Variants in REPS2 observed in about 807,000 individuals in gnomAD.
REPS2 encodes the protein RALBP1 associated Eps domain containing 2.
In REPS2, 23 loss-of-function variants were observed where a neutral mutation model predicts 53.6. That is an observed-to-expected ratio of 0.43 (90% CI 0.31 to 0.61). The LOEUF (loss-of-function observed/expected upper bound fraction) is 0.61. REPS2 is among the 20% of genes least tolerant of loss of function. REPS2 has a pLI of 0.11. For missense variants in REPS2, 446 were observed against 534.9 expected (o/e 0.83, Z 1.64); for synonymous variants, 238 against 218.6 (o/e 1.09, Z -0.78).
chrX:17,052,511 T>C, intron 7 of REPS2, 66 bp downstream of exon 7: 1 of 853,677 alleles, frequency 1.2e-6, no homozygotes, highest in Non-Finnish European at 1.7e-6. Context: ...AGTTCCTACC[T>C]TTGCATTTTT....
At chrX:17,189,282 CT>C in the REPS2 span, among the ~76,000 whole-genome samples, 5 of 107,826 alleles carry the variant, frequency 4.6e-5, no homozygotes, top group South Asian at 1.2e-3. Context: ...CTTTTCTTTT[CT>C]TTTTTTCTTT....
At chrX:16,955,445 C>T (rs182076720) in intron 1 of REPS2, among the ~76,000 whole-genome samples, 194 of 111,779 alleles carry the variant, frequency 1.7e-3, no homozygotes, top group Non-Finnish European at 2.8e-3. Context: ...TCTGTGGGTT[C>T]GGGAGTCTGG....
intron 16 of REPS2, chrX:17,136,970 C>A (rs1346780766): frequency 8.9e-6 from 1 of 112,579 alleles, no homozygotes; most frequent in Non-Finnish European, 1.9e-5. Flanking sequence ...TAAATCTGAA[C>A]TTATCTTTTT....
At chrX:17,177,591 G>A in the REPS2 span, among the ~76,000 whole-genome samples, 3 of 111,533 alleles carry the variant, frequency 2.7e-5, no homozygotes, top group Admixed American at 2.9e-4. Flanking sequence ...GTATGCAAAG[G>A]TCTGAGGCTC....
At chrX:16,985,373 G>A (rs1352863372) in intron 1 of REPS2, among the ~76,000 whole-genome samples, 1 of 111,743 alleles carries the variant, frequency 8.9e-6, no homozygotes, top group African/African-American at 3.3e-5. Context: ...TTAGAGCTTT[G>A]TGCTTCCTTC....
chrX:17,054,882 C>T lies in REPS2; in HGVS notation c.1046C>T (p.Ala349Val), dbSNP rs1400878250. 6 of 1,209,817 alleles carry T rather than the reference C, an allele frequency of 5.0e-6. No homozygotes were observed. The highest frequency in any genetic ancestry group is 3.5e-5 in the African/African-American group (2 of 57,200). The change falls in exon 8 of 18, where the codon GCT becomes GTT. Residue 349 changes from alanine (A) to valine (V), a missense_variant. Transcript: ENST00000357277. The stretch of plus-strand genomic sequence containing the variant: ...TGTGCTGCGTTTCATCTCATTGTGG[C>T]TCGGAAGAACGGCTACCCATTGCCT... ...EFCAAFHLIV[A>V]RKNGYPLPEG...
intron 14 of REPS2, among the ~76,000 whole-genome samples, chrX:17,133,583 A>G (rs1457622548): frequency 9.0e-6 from 1 of 111,671 alleles, no homozygotes; most frequent in Non-Finnish European, 1.9e-5. Context: ...ATGTTCAATT[A>G]CAGAAGAAAT....
the REPS2 span, among the ~76,000 whole-genome samples, chrX:17,158,847 A>G: frequency 1.8e-5 from 2 of 111,926 alleles, no homozygotes. Context: ...TTGCGACCTC[A>G]CCTTCAGCAG....
rs2147950925 is a variant in REPS2, at chrX:17,060,575, C to T, written c.1115-1863C>T. ...TGATCTTAGGGAAGATTTCCTTAAA[C>T]GTTTGGGCTGAGATGTGAAGGCTGA... On this transcript the variant is annotated intron_variant, in intron 8 of 17. Transcript: ENST00000357277. 1.8e-5 allele frequency among the ~76,000 whole-genome samples: 2 copies of T among 110,190 alleles called. 1 individual carries two copies. The highest frequency in any genetic ancestry group is 7.8e-4 in the South Asian group (2 of 2,576).
chrX:17,038,083 A>G (rs1002849808), intron 5 of REPS2, among the ~76,000 whole-genome samples: 4 of 112,529 alleles, frequency 3.6e-5, no homozygotes, highest in African/African-American at 1.3e-4. Flanking sequence ...GTCAGCCACC[A>G]TGCCAGGGGT....
intron 14 of REPS2, among the ~76,000 whole-genome samples, chrX:17,132,101 G>C (rs767301052): frequency 1.8e-5 from 2 of 111,918 alleles, no homozygotes; most frequent in South Asian, 7.6e-4. Flanking sequence ...CCTGAAGAGG[G>C]AAAGTTCAGA....
intron 14 of REPS2, among the ~76,000 whole-genome samples, chrX:17,133,600 G>A (rs1368933229): frequency 9.0e-6 from 1 of 111,577 alleles, no homozygotes; most frequent in Admixed American, 9.5e-5. Flanking sequence ...AAATTCCCAT[G>A]ATTCCTTTTC....
At chrX:17,027,742 G>GA (rs1308879631) in intron 4 of REPS2, among the ~76,000 whole-genome samples, 1 of 105,743 alleles carries the variant, frequency 9.5e-6, no homozygotes, top group Non-Finnish European at 1.9e-5. Context: ...CTTGTAAGGG[G>GA]ATCAAAGAAT....
At chrX:16,987,912 T>C (rs992528195) in intron 1 of REPS2, among the ~76,000 whole-genome samples, 3 of 111,678 alleles carry the variant, frequency 2.7e-5, no homozygotes, top group African/African-American at 9.8e-5. Flanking sequence ...TCATCACTGT[T>C]TTTCAGCGTT....
At chrX:17,068,722 C>G (rs1170210623) in intron 10 of REPS2, among the ~76,000 whole-genome samples, 2 of 112,717 alleles carry the variant, frequency 1.8e-5, no homozygotes, top group African/African-American at 6.5e-5. Context: ...CTCTTAACAC[C>G]TTACACTGGA....
At chrX:17,106,387 G>A (rs201780079) in intron 14 of REPS2, among the ~76,000 whole-genome samples, 17 of 110,184 alleles carry the variant, frequency 1.5e-4, no homozygotes, top group Admixed American at 3.9e-4. Flanking sequence ...AATCAATATC[G>A]TGAAAATGGC....
At position 17,069,977 on chromosome X, in the gene REPS2, C is replaced by G; in HGVS notation, c.1317C>G (p.Asp439Glu). Residue 439 changes from aspartate to glutamate, a missense_variant, in exon 11 of 18, where the codon GAC becomes GAG. Transcript: ENST00000357277. Reference protein sequence around the residue: ...KSTINEALPKDVSEDPATPKD... With the variant: ...KSTINEALPKEVSEDPATPKD... Reference sequence around the variant, plus strand: ...CTATCAATGAAGCCTTACCAAAGGACGTGTCTGAGGATCCAGGTAGGAGAA... The same window carrying G: ...CTATCAATGAAGCCTTACCAAAGGAGGTGTCTGAGGATCCAGGTAGGAGAA... 4.4e-6 allele frequency: 5 copies of G among 1,127,679 alleles called. No individual in the cohort carries two copies. Among genetic ancestry groups the G allele is most frequent in the Non-Finnish European group, 5.9e-6 (5 of 845,567 alleles). The allele number at this position is 1,127,679 out of a possible 1,213,427, so 92.9% of individuals were successfully genotyped here. A position where few individuals can be genotyped will look rare whatever the true frequency, so the allele number is the denominator to read the frequency against.
chrX:17,126,359 T>G (rs1285300882), intron 14 of REPS2, among the ~76,000 whole-genome samples: 1 of 111,918 alleles, frequency 8.9e-6, no homozygotes, highest in African/African-American at 3.3e-5. Flanking sequence ...AAGGGTTAGG[T>G]GTGGAATATG....
At chrX:17,177,987 TG>T in the REPS2 span, among the ~76,000 whole-genome samples, 1 of 111,007 alleles carries the variant, frequency 9.0e-6, no homozygotes, top group East Asian at 2.8e-4. Context: ...ACCTGCCAAG[TG>T]GGGGTTGCGA....
Sources: gnomAD v4.1 joint callset for allele counts (sites outside exome capture counted in the v4.1 genomes callset) on GRCh38, gnomAD v4.1.1 for gene constraint, MANE v1.5 for transcripts, NCBI Gene and HGNC (gene_info 2026-07-23, HGNC 2026-07-21) for gene names.